Variants in PUS10 observed in about 807,000 individuals in gnomAD.
PUS10 encodes pseudouridine synthase 10.
PUS10 carries 59 observed loss-of-function variants against 75.0 expected under a neutral mutation model. The observed-to-expected ratio is 0.79, with a 90% CI of 0.64 to 0.98. The LOEUF (loss-of-function observed/expected upper bound fraction) is 0.98, where lower values mean the gene tolerates loss of function less well. PUS10 is among the 50% of genes least tolerant of loss of function. The pLI is 0.00. For synonymous variants in PUS10, 219 were observed against 211.6 expected, an observed-to-expected ratio of 1.03 and a Z score of -0.30; for missense variants, 650 against 614.4, an observed-to-expected ratio of 1.06 and a Z score of -0.61.
chr2:61,018,119 G>A lies in PUS10; in HGVS notation c.-127C>T, dbSNP rs367945635. 3 of 1,547,572 alleles carry A rather than the reference G, an allele frequency of 1.9e-6. No individual in the cohort carries two copies. The highest frequency in any genetic ancestry group is 1.2e-5 in the South Asian group (1 of 83,900). ...CTGGGTCTCTGTGCTTGAAAGAAAG[G>A]GGGGCGGCTTCCTACCTACCGCTTC... On this transcript the variant is annotated 5_prime_UTR_variant, in exon 1 of 18. Transcript: ENST00000316752.
chr2:60,964,868 T>C (rs1275512464), intron 8 of PUS10, among the ~76,000 whole-genome samples, 190 bp downstream of exon 8: 3 of 152,152 alleles, frequency 2.0e-5, no homozygotes, highest in African/African-American at 7.2e-5. Flanking sequence ...GTGCTACAAC[T>C]TCCTAGCCAG....
At chr2:61,012,153 C>T (rs1371844408) in intron 1 of PUS10, among the ~76,000 whole-genome samples, 3 of 151,958 alleles carry the variant, frequency 2.0e-5, no homozygotes, top group Non-Finnish European at 4.4e-5. Context: ...TAAAATACAT[C>T]AATATAACTA....
intron 4 of PUS10, among the ~76,000 whole-genome samples, chr2:60,989,584 T>C (rs1677948179): frequency 6.6e-6 from 1 of 151,912 alleles, no homozygotes; most frequent in Admixed American, 6.6e-5. Context: ...TCGGTAAAGC[T>C]CACAGTGAAT....
chr2:61,012,475 G>A (rs1290974277), intron 1 of PUS10, among the ~76,000 whole-genome samples: 4 of 151,682 alleles, frequency 2.6e-5, no homozygotes, highest in African/African-American at 9.7e-5. Flanking sequence ...CTTCCTCAAA[G>A]TGAGTCATAG....
intron 4 of PUS10, among the ~76,000 whole-genome samples, chr2:61,003,694 A>T (rs978919846): frequency 2.0e-5 from 3 of 151,200 alleles, no homozygotes; most frequent in African/African-American, 7.3e-5. Flanking sequence ...ACAGATACGC[A>T]TCACCACACC....
chr2:60,960,845 A>G (rs1336731603), intron 10 of PUS10, among the ~76,000 whole-genome samples: 1 of 12,282 alleles, frequency 8.1e-5, no homozygotes, highest in Non-Finnish European at 2.0e-4. Flanking sequence ...ACCAAGGATA[A>G]AAAAAAAAAA....
rs748803981 is a variant in PUS10 at position 60,942,220 on chromosome 2, T to C, written c.*175A>G. On this transcript the variant is annotated 3_prime_UTR_variant, in exon 18 of 18. Coordinates refer to ENST00000316752, the MANE Select transcript of PUS10 (RefSeq NM_144709.4). ...CCTTGGAACAATTTAACACAAAATA[T>C]ACACATATATAGATCCTGAGATGTT... 6 of 571,928 alleles carry C rather than the reference T, an allele frequency of 1.0e-5. No homozygotes were observed. Among genetic ancestry groups the C allele is most frequent in the South Asian group, 2.8e-5 (1 of 35,896 alleles). The allele number at this position is 571,928 out of a possible 1,614,324, so 35.4% of individuals were successfully genotyped here. A position where few individuals can be genotyped will look rare whatever the true frequency, so the allele number is the denominator to read the frequency against.
At chr2:61,003,213 G>T (rs1678965066) in intron 4 of PUS10, among the ~76,000 whole-genome samples, 1 of 152,172 alleles carries the variant, frequency 6.6e-6, no homozygotes, top group Admixed American at 6.5e-5. Flanking sequence ...TGTAATCCCA[G>T]AAGTTTGGGA....
At chr2:60,956,621 G>A (rs1368897770) in intron 11 of PUS10, among the ~76,000 whole-genome samples, 1 of 152,106 alleles carries the variant, frequency 6.6e-6, no homozygotes, top group Non-Finnish European at 1.5e-5. Context: ...CCTTGAGAAG[G>A]CCACAAAAGC....
intron 15 of PUS10, among the ~76,000 whole-genome samples, chr2:60,948,475 T>C (rs937739799): frequency 2.6e-5 from 4 of 152,192 alleles, no homozygotes; most frequent in South Asian, 2.1e-4. Flanking sequence ...TGATCTGCCC[T>C]CCTCAGCCTC....
rs373270609 is a variant in PUS10, at chr2:60,948,086, C to A, written c.1408G>T (p.Asp470Tyr). ...VIHFMETQYV[D>Y]EHHFRLHLKT... is the part of the protein sequence containing the mutation. ...AAGTGGAGGCGGAAGTGGTGCTCATCCACGTACTGTGTCTCCATGAAGTGA... is the reference window on the plus strand; with the variant it reads ...AAGTGGAGGCGGAAGTGGTGCTCATACACGTACTGTGTCTCCATGAAGTGA... The change falls in exon 16 of 18, where the codon GAT becomes TAT. Residue 470 changes from aspartate to tyrosine, a missense_variant. Transcript: ENST00000316752. 23 of 1,613,998 alleles carry A rather than the reference C, an allele frequency of 1.4e-5. No individual in the cohort carries two copies. Among genetic ancestry groups the A allele is most frequent in the Non-Finnish European group, 1.9e-5 (22 of 1,180,030 alleles).
chr2:60,992,548 A>G (rs1334930623), intron 4 of PUS10, among the ~76,000 whole-genome samples: 1 of 152,222 alleles, frequency 6.6e-6, no homozygotes, highest in Non-Finnish European at 1.5e-5. Flanking sequence ...CAGATAATCA[A>G]TACACATCAT....
At chr2:60,987,618 A>T (rs1389244751) in intron 4 of PUS10, among the ~76,000 whole-genome samples, 1 of 152,226 alleles carries the variant, frequency 6.6e-6, no homozygotes, top group Non-Finnish European at 1.5e-5. Flanking sequence ...TGTGTACAGT[A>T]TGATATAAAA....
At position 60,955,042 on chromosome 2, in the gene PUS10, C is replaced by A; in HGVS notation, c.1033G>T (p.Val345Leu). 1 of 1,596,722 alleles carries A rather than the reference C, an allele frequency of 6.3e-7. No individual in the cohort carries two copies. Among genetic ancestry groups the A allele is most frequent in the Non-Finnish European group, 8.5e-7 (1 of 1,171,676 alleles). The change falls in exon 12 of 18, where the codon GTA (valine) becomes TTA (leucine). Residue 345 changes from valine to leucine, a missense_variant. By Grantham distance (32) the Val-to-Leu change is conservative (BLOSUM62 1). Coordinates refer to ENST00000316752, the MANE Select transcript of PUS10 (RefSeq NM_144709.4). ...FNFSSSGREDVDVRTLGNGRP... is the reference protein window; with the variant it reads ...FNFSSSGREDLDVRTLGNGRP... ...CCATTTCCTAATGTTCTCACATCTACATCTTCTCTTCCAGAGGATGAAAAA... is the reference window on the plus strand; with the variant it reads ...CCATTTCCTAATGTTCTCACATCTAAATCTTCTCTTCCAGAGGATGAAAAA...
intron 11 of PUS10, among the ~76,000 whole-genome samples, chr2:60,957,775 G>A (rs766632490): frequency 1.7e-4 from 26 of 152,226 alleles, no homozygotes; most frequent in Admixed American, 1.6e-3. Context: ...TCCCTGCCCA[G>A]AGGACACCCT....
chr2:60,965,477 A>G lies in PUS10; in HGVS notation c.623T>C (p.Phe208Ser). Residue 208 changes from phenylalanine (F) to serine (S), a missense_variant, in exon 7 of 18, where the codon TTT (phenylalanine) becomes TCT (serine). Phe to Ser is a radical substitution (Grantham distance 155, BLOSUM62 -2). Coordinates refer to ENST00000316752, the MANE Select transcript of PUS10 (RefSeq NM_144709.4). The part of the protein sequence containing the change: ...LGVPIDGKSL[F>S]EVSVVFAHPE... ...GTGAGCAAAGACCACACTCACTTCA[A>G]ACAAGCTCTAAAAATTATAAAGACA... is the stretch of plus-strand genomic sequence containing the variant. 1 of 1,604,146 alleles carries G rather than the reference A, an allele frequency of 6.2e-7. No homozygotes were observed. The highest frequency in any genetic ancestry group is 8.5e-7 in the Non-Finnish European group (1 of 1,176,970).
intron 1 of PUS10, among the ~76,000 whole-genome samples, chr2:61,015,481 T>A (rs2104768828): frequency 6.6e-6 from 1 of 151,992 alleles, no homozygotes; most frequent in South Asian, 2.1e-4. Flanking sequence ...AGGAGGATCA[T>A]GAGGTCAGGA....
chr2:60,984,816 A>G (rs539538939), intron 4 of PUS10, among the ~76,000 whole-genome samples: 1 of 152,346 alleles, frequency 6.6e-6, no homozygotes, highest in East Asian at 1.9e-4. Flanking sequence ...CAGGACATGT[A>G]TGTTTCACTA....
chr2:61,003,513 T>C (rs1428010402), intron 4 of PUS10, among the ~76,000 whole-genome samples: 1 of 150,472 alleles, frequency 6.6e-6, no homozygotes, highest in Admixed American at 6.6e-5. Flanking sequence ...GTAGAACCAA[T>C]AATATAGATG....
Sources: allele counts gnomAD v4.1 joint callset (sites outside exome capture counted in the v4.1 genomes callset), GRCh38; gene constraint gnomAD v4.1.1; transcripts MANE v1.5; gene names NCBI Gene and HGNC (gene_info 2026-07-23, HGNC 2026-07-21).